Variants in RAPGEF6 observed in about 807,000 individuals in gnomAD.
The protein encoded by RAPGEF6 is PDZ domain containing guanine nucleotide exchange factor (GEF) 2.
Under a neutral mutation model 171.4 loss-of-function variants are expected in RAPGEF6, and 56 were observed. That is an observed-to-expected ratio of 0.33 (90% CI 0.26 to 0.41). The LOEUF (loss-of-function observed/expected upper bound fraction) is 0.41. Ranked by LOEUF, RAPGEF6 falls within the 10% of genes least tolerant of loss-of-function variation. The pLI is 1.00. For missense variants in RAPGEF6, 1,674 were observed against 1,921.4 expected (o/e 0.87, Z 2.41); for synonymous variants, 692 against 650.1 (o/e 1.06, Z -0.98).
intron 20 of RAPGEF6, 84 bp from the exon 21 acceptor site, chr5:131,453,261 G>A: frequency 6.8e-7 from 1 of 1,471,090 alleles, no homozygotes. Flanking sequence ...ATCTTGAGGG[G>A]CACAAAGAAG....
In RAPGEF6 at chr5:131,598,432, T is replaced by C. The variant is rs141907825; in HGVS notation, c.197+4839A>G. The stretch of plus-strand genomic sequence containing the variant: ...AATTTTCCAAAATCGATGAAAGATA[T>C]CAAATCAGGGTATCATGAAGATCTA... On this transcript the variant is annotated intron_variant, in intron 3 of 27. Transcript: ENST00000509018. Among the ~76,000 whole-genome samples the C allele has an allele frequency of 4.8e-3, 726 of 152,216 alleles. 5 individuals are homozygous for C. Among genetic ancestry groups the C allele is most frequent in the African/African-American group, 0.017 (689 of 41,520 alleles).
At chr5:131,629,665 G>A (rs184395986) in intron 1 of RAPGEF6, among the ~76,000 whole-genome samples, 1 of 151,156 alleles carries the variant, frequency 6.6e-6, no homozygotes, top group African/African-American at 2.4e-5. Context: ...CTGAGGTGGG[G>A]TCACTTGAGC....
At chr5:131,588,926 C>G (rs1357255641) in intron 4 of RAPGEF6, among the ~76,000 whole-genome samples, 1 of 151,892 alleles carries the variant, frequency 6.6e-6, no homozygotes, top group Non-Finnish European at 1.5e-5. Context: ...AAAAATTAGC[C>G]GGGCATGGTG....
chr5:131,553,650 T>C (rs943419568), intron 5 of RAPGEF6, among the ~76,000 whole-genome samples: 6 of 151,958 alleles, frequency 3.9e-5, no homozygotes, highest in Non-Finnish European at 8.8e-5. Flanking sequence ...GACGTAGTAA[T>C]AGAGATGAGG....
At position 131,502,637 on chromosome 5, in the gene RAPGEF6, G is replaced by A. The variant is rs561291455; in HGVS notation, c.1254+1989C>T. ...TGTATGATCTGTATTCTTTAAAACT[G>A]CTAAGGATATTAACAACAGTGAAGG... On this transcript the variant is annotated intron_variant, in intron 11 of 27. Transcript: ENST00000509018. Among the ~76,000 whole-genome samples the A allele has an allele frequency of 5.8e-4, 88 of 152,328 alleles. 1 individual carries two copies. The highest frequency in any genetic ancestry group is 8.8e-4 in the Non-Finnish European group (60 of 68,034).
chr5:131,621,480 C>T, intron 1 of RAPGEF6, among the ~76,000 whole-genome samples: 1 of 151,970 alleles, frequency 6.6e-6, no homozygotes, highest in East Asian at 1.9e-4. Context: ...TAGGGTTTCA[C>T]CATGTTGCCC....
intron 26 of RAPGEF6, 44 bp from the exon 27 acceptor site, chr5:131,429,260 T>G: frequency 7.0e-7 from 1 of 1,422,294 alleles, no homozygotes; most frequent in South Asian, 1.4e-5. Context: ...GAAAAAGAAA[T>G]GGAAAAAAAA....
At chr5:131,565,669 G>C (rs1201539968) in intron 4 of RAPGEF6, among the ~76,000 whole-genome samples, 1 of 152,132 alleles carries the variant, frequency 6.6e-6, no homozygotes, top group Non-Finnish European at 1.5e-5. Context: ...ACAGGATAGA[G>C]AGAACAAAAG....
At chr5:131,467,091 T>G (rs573035837) in intron 17 of RAPGEF6, among the ~76,000 whole-genome samples, 1 of 152,336 alleles carries the variant, frequency 6.6e-6, no homozygotes, top group South Asian at 2.1e-4. Flanking sequence ...CTTTTATTAC[T>G]TTCTTCAGAG....
chr5:131,534,619 T>TC (rs36071994), intron 6 of RAPGEF6, among the ~76,000 whole-genome samples: 5 of 150,942 alleles, frequency 3.3e-5, no homozygotes, highest in Non-Finnish European at 7.4e-5. Flanking sequence ...TTTTTTTTTT[T>TC]CAGTTTAATT....
intron 1 of RAPGEF6, among the ~76,000 whole-genome samples, chr5:131,631,391 T>C (rs1232641578): frequency 6.6e-6 from 1 of 152,216 alleles, no homozygotes; most frequent in Non-Finnish European, 1.5e-5. Context: ...ACTCCAGTTA[T>C]TTAGGCCAAA....
intron 4 of RAPGEF6, among the ~76,000 whole-genome samples, chr5:131,569,094 G>A (rs1212845125): frequency 6.6e-6 from 1 of 152,140 alleles, no homozygotes; most frequent in African/African-American, 2.4e-5. Flanking sequence ...AATATATGCA[G>A]AAGCAAGCCA....
intron 1 of RAPGEF6, among the ~76,000 whole-genome samples, chr5:131,615,406 G>A (rs1765202321): frequency 1.3e-5 from 2 of 152,098 alleles, no homozygotes. Context: ...GGGCTTTTGT[G>A]TCAATTATCT....
In RAPGEF6 at chr5:131,425,580, T is replaced by C. The variant is rs1580806903; in HGVS notation, c.*1686A>G. On this transcript the variant is annotated 3_prime_UTR_variant, in exon 28 of 28. Transcript: ENST00000509018. Reference sequence around the variant, plus strand: ...CTGCGATTAATTTCTAAGGCTTAAGTTTCAGATTAATGTTTCTTTACCACA... The same window carrying C: ...CTGCGATTAATTTCTAAGGCTTAAGCTTCAGATTAATGTTTCTTTACCACA... 1 of 152,366 alleles carries C rather than the reference T, an allele frequency of 6.6e-6. No homozygotes were observed. The highest frequency in any genetic ancestry group is 2.1e-4 in the South Asian group (1 of 4,836). 9.4% of individuals were successfully genotyped at this position (152,366 alleles called of 1,614,324 possible).
chr5:131,596,755 A>C (rs1207339216), intron 3 of RAPGEF6, among the ~76,000 whole-genome samples: 1 of 152,266 alleles, frequency 6.6e-6, no homozygotes, highest in Non-Finnish European at 1.5e-5. Context: ...TGGATTAAAG[A>C]CTTAAATGTG....
chr5:131,594,052 A>G (rs1242681807), intron 3 of RAPGEF6, among the ~76,000 whole-genome samples: 1 of 152,200 alleles, frequency 6.6e-6, no homozygotes, highest in Admixed American at 6.5e-5. Context: ...GGCATTTCAG[A>G]GTCTTTCAAG....
At chr5:131,600,631 G>A (rs1247897118) in intron 3 of RAPGEF6, among the ~76,000 whole-genome samples, 1 of 149,058 alleles carries the variant, frequency 6.7e-6, no homozygotes, top group African/African-American at 2.5e-5. Flanking sequence ...GAAGAGGAGA[G>A]GAGGAGGGAG....
intron 4 of RAPGEF6, among the ~76,000 whole-genome samples, chr5:131,588,120 T>C (rs1416583203): frequency 1.3e-5 from 2 of 152,158 alleles, no homozygotes; most frequent in Admixed American, 6.5e-5. Context: ...GAGATTTATT[T>C]TCCTCTCATA....
chr5:131,622,381 G>C (rs1427925848), intron 1 of RAPGEF6, among the ~76,000 whole-genome samples: 1 of 152,226 alleles, frequency 6.6e-6, no homozygotes, highest in Non-Finnish European at 1.5e-5. Context: ...CTTTGCAAGG[G>C]ACAGACTGAC....
Sources: allele counts gnomAD v4.1 joint callset (sites outside exome capture counted in the v4.1 genomes callset), GRCh38; gene constraint gnomAD v4.1.1; transcripts MANE v1.5; gene names NCBI Gene and HGNC (gene_info 2026-07-23, HGNC 2026-07-21).